Variants in ARHGEF10L observed in about 807,000 individuals in gnomAD.
The protein encoded by ARHGEF10L is Rho guanine nucleotide exchange factor 10 like.
Under a neutral mutation model 141.2 loss-of-function variants are expected in ARHGEF10L, and 69 were observed. That is an observed-to-expected ratio of 0.49 (90% CI 0.40 to 0.60). The LOEUF (loss-of-function observed/expected upper bound fraction) is 0.60, where lower values mean the gene tolerates loss of function less well. Ranked by LOEUF, ARHGEF10L falls within the 20% of genes least tolerant of loss-of-function variation. The pLI is 0.00. For missense variants in ARHGEF10L, 1,482 were observed against 1,734.3 expected (o/e 0.85, Z 2.58); for synonymous variants, 711 against 718.5 (o/e 0.99, Z 0.17).
chr1:17,618,479 C>T, intron 9 of ARHGEF10L: 1 of 1,467,782 alleles, frequency 6.8e-7, no homozygotes, highest in Non-Finnish European at 9.0e-7. Context: ...CCCACGCCGT[C>T]ATCCGCTGTC....
rs2077424611 is a variant in ARHGEF10L, at chr1:17,558,387, T to C, written c.-44+18437T>C. ...GGAGAGACAGAAATGAAAGGCATTA[T>C]TCTTGCCTTCAAGGAACTCACAGTC... On this transcript the variant is annotated intron_variant, in intron 1 of 28. Transcript: ENST00000361221. The surrounding 1 kb of genome is among the most constrained non-coding windows in gnomAD (Gnocchi z 4.2). Among the ~76,000 whole-genome samples the C allele has an allele frequency of 6.6e-6, 1 of 152,250 alleles. No individual in the cohort carries two copies. The highest frequency in any genetic ancestry group is 2.4e-5 in the African/African-American group (1 of 41,470).
At chr1:17,628,597 A>G (rs2060509009) in intron 15 of ARHGEF10L, among the ~76,000 whole-genome samples, 1 of 152,038 alleles carries the variant, frequency 6.6e-6, no homozygotes, top group Admixed American at 6.6e-5. Context: ...ACATTGCAGG[A>G]CTGTTCTTTG....
At position 17,619,821 on chromosome 1, in the gene ARHGEF10L, C is replaced by T. The variant is rs2060008876; in HGVS notation, c.942+376C>T. Among the ~76,000 whole-genome samples, 1 of 152,096 alleles carries T rather than the reference C, an allele frequency of 6.6e-6. No homozygotes were observed. Among genetic ancestry groups the T allele is most frequent in the Non-Finnish European group, 1.5e-5 (1 of 68,022 alleles). ...CAGGTGTGTAGGTGCCCAGTCCCTG[C>T]CATCTGTCCACCTGTCCTCACCCTG... On this transcript the variant is annotated intron_variant, in intron 10 of 28. Transcript: ENST00000361221. The surrounding 1 kb of genome is among the most constrained non-coding windows in gnomAD (Gnocchi z 5.0).
chr1:17,667,243 G>C (rs1288178688), intron 26 of ARHGEF10L, among the ~76,000 whole-genome samples: 4 of 152,198 alleles, frequency 2.6e-5, no homozygotes, highest in African/African-American at 7.2e-5. Context: ...CAATCTGCTG[G>C]GGGAGACCCA....
At chr1:17,659,032 C>A (rs1238021432) in intron 25 of ARHGEF10L, among the ~76,000 whole-genome samples, 1 of 152,060 alleles carries the variant, frequency 6.6e-6, no homozygotes, top group Non-Finnish European at 1.5e-5. Context: ...TGGCACTGGG[C>A]GTGACCCGGG....
Position 17,656,731 on chromosome 1 carries a change from G to A in ARHGEF10L, c.2860+23G>A, listed in dbSNP as rs761562659. 3 of 1,603,078 alleles carry A rather than the reference G, an allele frequency of 1.9e-6. No individual in the cohort carries two copies. The African/African-American group carries it at 4.0e-5, about 21-fold the overall frequency. On this transcript the variant is annotated intron_variant, in intron 25 of 28. Transcript: ENST00000361221. The surrounding 1 kb of genome is among the most constrained non-coding windows in gnomAD (Gnocchi z 4.9). ...GCGGTGAGGACTGGGGGGAATGGGGGAAGGGGGGCAGTCCTGGATGCCAGC... is the reference window on the plus strand; with the variant it reads ...GCGGTGAGGACTGGGGGGAATGGGGAAAGGGGGGCAGTCCTGGATGCCAGC...
chr1:17,558,389 C>T lies in ARHGEF10L; in HGVS notation c.-44+18439C>T, dbSNP rs910585086. ...AGAGACAGAAATGAAAGGCATTATT[C>T]TTGCCTTCAAGGAACTCACAGTCTA... On this transcript the variant is annotated intron_variant, in intron 1 of 28. Transcript: ENST00000361221. This position sits in a 1 kb window ranked among gnomAD's most constrained non-coding sequence, Gnocchi z 4.2. Among the ~76,000 whole-genome samples, 1 of 152,214 alleles carries T rather than the reference C, an allele frequency of 6.6e-6. No individual in the cohort carries two copies. Among genetic ancestry groups the T allele is most frequent in the Admixed American group, 6.5e-5 (1 of 15,276 alleles).
At chr1:17,688,264 C>T (rs540524265) in intron 27 of ARHGEF10L, among the ~76,000 whole-genome samples, 9 of 152,272 alleles carry the variant, frequency 5.9e-5, no homozygotes, top group Admixed American at 1.3e-4. Context: ...GCCCCTCCTG[C>T]GTAGCTGTGT....
intron 26 of ARHGEF10L, among the ~76,000 whole-genome samples, chr1:17,675,367 T>G (rs1469787446): frequency 6.6e-6 from 1 of 152,176 alleles, no homozygotes; most frequent in Non-Finnish European, 1.5e-5. Context: ...CTCAAGATGT[T>G]GGTGATGCCC....
chr1:17,530,311 C>T, the ARHGEF10L span, among the ~76,000 whole-genome samples: 1 of 152,194 alleles, frequency 6.6e-6, no homozygotes, highest in Non-Finnish European at 1.5e-5. Flanking sequence ...AGGGTTCAAA[C>T]CCTGGCACCC....
At chr1:17,591,117 G>A (rs1156399907) in intron 4 of ARHGEF10L, among the ~76,000 whole-genome samples, 1 of 152,272 alleles carries the variant, frequency 6.6e-6, no homozygotes, top group Non-Finnish European at 1.5e-5. Flanking sequence ...CAAGACAGAG[G>A]CCAGGGAAGG....
At position 17,656,866 on chromosome 1, in the gene ARHGEF10L, A is replaced by G. The variant is rs1161078577; in HGVS notation, c.2860+158A>G. Among the ~76,000 whole-genome samples the G allele has an allele frequency of 1.3e-5, 2 of 152,166 alleles. No individual in the cohort carries two copies. Among genetic ancestry groups the G allele is most frequent in the Non-Finnish European group, 2.9e-5 (2 of 68,016 alleles). The stretch of plus-strand genomic sequence containing the variant: ...GATCCGTGAGCCCCGCTGGGGTTCA[A>G]TGGGTGGTCCCCCATATGTGAATAC... On this transcript the variant is annotated intron_variant, in intron 25 of 28. Coordinates refer to ENST00000361221, the MANE Select transcript of ARHGEF10L (RefSeq NM_018125.4). This position sits in a 1 kb window ranked among gnomAD's most constrained non-coding sequence, Gnocchi z 4.9.
At chr1:17,671,610 C>G (rs145320062) in intron 26 of ARHGEF10L, among the ~76,000 whole-genome samples, 13 of 152,326 alleles carry the variant, frequency 8.5e-5, no homozygotes, top group African/African-American at 2.9e-4. Context: ...GTGGCGTCAG[C>G]ATTTGGACCC....
At chr1:17,686,731 G>A (rs1161342901) in intron 26 of ARHGEF10L, among the ~76,000 whole-genome samples, 10 of 152,192 alleles carry the variant, frequency 6.6e-5, no homozygotes, top group African/African-American at 2.2e-4. Context: ...CTGGGGCCCC[G>A]AATGCTGAGC....
At chr1:17,566,727 C>T (rs2100280355) in intron 1 of ARHGEF10L, among the ~76,000 whole-genome samples, 1 of 152,346 alleles carries the variant, frequency 6.6e-6, no homozygotes, top group Middle Eastern at 3.4e-3. Flanking sequence ...CAACTGTCCT[C>T]TTGAATCTCA....
At position 17,634,575 on chromosome 1, in the gene ARHGEF10L, GGGGGCTCCGGGGCTCT is replaced by G; in HGVS notation, c.1745+21_1745+36del. ...CTGCCAACCACAGGTACGTGGTTCA[GGGGGCTCCGGGGCTCT>G]GGGGCTCTGGGGCTCTGGGGCTCTG... is the stretch of plus-strand genomic sequence containing the variant. On this transcript the variant is annotated intron_variant, in intron 17 of 28. Transcript: ENST00000361221. 1.2e-6 allele frequency: 2 copies of G among 1,613,580 alleles called. No homozygotes were observed. Among genetic ancestry groups the G allele is most frequent in the Non-Finnish European group, 8.5e-7 (1 of 1,179,738 alleles).
intron 26 of ARHGEF10L, among the ~76,000 whole-genome samples, chr1:17,676,805 C>T (rs948803387): frequency 6.6e-6 from 1 of 151,880 alleles, no homozygotes; most frequent in Non-Finnish European, 1.5e-5. Context: ...GCACTCTGTT[C>T]CCCCAGGCCT....
chr1:17,531,080 T>C, the ARHGEF10L span, among the ~76,000 whole-genome samples: 1 of 151,732 alleles, frequency 6.6e-6, no homozygotes, highest in Non-Finnish European at 1.5e-5. Flanking sequence ...CAAGAGTCAA[T>C]GGGATCATGC....
chr1:17,657,846 C>T (rs2062371097), intron 25 of ARHGEF10L, among the ~76,000 whole-genome samples: 1 of 152,222 alleles, frequency 6.6e-6, no homozygotes, highest in Non-Finnish European at 1.5e-5. Flanking sequence ...GCCTGTGCCA[C>T]CCTGGCGCTC....
Sources: allele counts gnomAD v4.1 joint callset (sites outside exome capture counted in the v4.1 genomes callset), GRCh38; gene constraint gnomAD v4.1.1; non-coding constraint Gnocchi (gnomAD v3.1); transcripts MANE v1.5; gene names NCBI Gene and HGNC (gene_info 2026-07-23, HGNC 2026-07-21).